The following PCED1B variants were observed in gnomAD, a reference collection of about 807,000 sequenced individuals.
PCED1B encodes the protein PC-esterase domain-containing protein 1B.
For synonymous variants in PCED1B, 251 were observed against 246.1 expected (o/e 1.02, Z -0.19); for missense variants, 573 against 573.9 (o/e 1.00, Z 0.02).
chr12:47,136,454 G>A (rs998100852), intron 2 of PCED1B, among the ~76,000 whole-genome samples: 7 of 152,146 alleles, frequency 4.6e-5, no homozygotes, highest in African/African-American at 1.7e-4. Flanking sequence ...TACTTTAAAG[G>A]ATAAGTGAAT....
At chr12:47,143,919 C>G (rs76023627) in intron 2 of PCED1B, among the ~76,000 whole-genome samples, 4,634 of 152,238 alleles carry the variant, frequency 0.03, 98 homozygotes, top group Middle Eastern at 0.071. Flanking sequence ...AGGCATTGCT[C>G]TAGTGGAAAC....
chr12:47,120,252 A>G (rs1340736616), intron 2 of PCED1B, among the ~76,000 whole-genome samples: 2 of 152,192 alleles, frequency 1.3e-5, no homozygotes, highest in African/African-American at 4.8e-5. Context: ...AAAATGATGC[A>G]GCCACTTTGG....
At chr12:47,191,342 A>C (rs1942433366) in intron 2 of PCED1B, among the ~76,000 whole-genome samples, 1 of 152,180 alleles carries the variant, frequency 6.6e-6, no homozygotes, top group African/African-American at 2.4e-5. Context: ...GACTCCATAC[A>C]TTTAATTCCT....
At chr12:47,197,525 T>C (rs1299072261) in intron 2 of PCED1B, among the ~76,000 whole-genome samples, 1 of 151,660 alleles carries the variant, frequency 6.6e-6, no homozygotes, top group Non-Finnish European at 1.5e-5. Context: ...GGAGAATCGC[T>C]TAAACCCAAA....
chr12:47,088,607 CT>C (rs1938102292), intron 1 of PCED1B, among the ~76,000 whole-genome samples: 1 of 152,178 alleles, frequency 6.6e-6, no homozygotes, highest in Non-Finnish European at 1.5e-5. Context: ...ATAATAATCA[CT>C]TTCTCCAGAG....
intron 2 of PCED1B, among the ~76,000 whole-genome samples, chr12:47,107,731 G>A (rs1296300796): frequency 6.6e-6 from 1 of 152,160 alleles, no homozygotes; most frequent in African/African-American, 2.4e-5. Flanking sequence ...TCAGGTGCAG[G>A]TGTCACTAGA....
intron 2 of PCED1B, among the ~76,000 whole-genome samples, chr12:47,138,913 A>G (rs917621150): frequency 6.6e-6 from 1 of 152,040 alleles, no homozygotes; most frequent in African/African-American, 2.4e-5. Flanking sequence ...CCTTTGGGAT[A>G]ATGTTTTTCA....
intron 2 of PCED1B, among the ~76,000 whole-genome samples, chr12:47,151,475 C>A (rs7974123): frequency 0.26 from 39,694 of 152,030 alleles, 5,684 homozygotes; most frequent in Non-Finnish European, 0.33. Context: ...CCTAATGACA[C>A]ATTTCTCAAA....
At chr12:47,115,966 AGC>A (rs1458571744) in intron 2 of PCED1B, among the ~76,000 whole-genome samples, 1 of 152,224 alleles carries the variant, frequency 6.6e-6, no homozygotes, top group African/African-American at 2.4e-5. Context: ...CTTTTAAATT[AGC>A]TCACTAGAAA....
At chr12:47,097,765 G>A (rs1938539862) in intron 1 of PCED1B, among the ~76,000 whole-genome samples, 1 of 152,174 alleles carries the variant, frequency 6.6e-6, no homozygotes, top group South Asian at 2.1e-4. Context: ...GTAGGTGCTT[G>A]CTACAGTTTT....
intron 2 of PCED1B, among the ~76,000 whole-genome samples, chr12:47,128,404 G>A (rs1452802484): frequency 1.3e-5 from 2 of 152,122 alleles, no homozygotes; most frequent in Non-Finnish European, 2.9e-5. Flanking sequence ...ACTCTGGGCC[G>A]CCTTACTCTT....
At chr12:47,173,281 G>A (rs1251600004) in intron 2 of PCED1B, among the ~76,000 whole-genome samples, 1 of 152,190 alleles carries the variant, frequency 6.6e-6, no homozygotes, top group Non-Finnish European at 1.5e-5. Context: ...TTTTGACAGA[G>A]TCTCCCTCTA....
chr12:47,111,563 A>G (rs985961085), intron 2 of PCED1B, among the ~76,000 whole-genome samples: 10 of 151,724 alleles, frequency 6.6e-5, no homozygotes, highest in Non-Finnish European at 1.0e-4. Context: ...TCGAAACTCC[A>G]AACACATTAA....
At chr12:47,088,838 A>G (rs1938114246) in intron 1 of PCED1B, among the ~76,000 whole-genome samples, 1 of 152,060 alleles carries the variant, frequency 6.6e-6, no homozygotes, top group Non-Finnish European at 1.5e-5. Flanking sequence ...TATTTATCTC[A>G]AAGTAAAATT....
chr12:47,082,946 A>G (rs114001545), intron 1 of PCED1B, among the ~76,000 whole-genome samples: 2,101 of 150,770 alleles, frequency 0.014, 40 homozygotes, highest in African/African-American at 0.049. Context: ...CCATTCAGTA[A>G]TGACTCCAAG....
chr12:47,116,983 G>T (rs1046358836), intron 2 of PCED1B, among the ~76,000 whole-genome samples: 1 of 152,104 alleles, frequency 6.6e-6, no homozygotes, highest in African/African-American at 2.4e-5. Context: ...AAGAAACATT[G>T]ATAAATTAAC....
At chr12:47,219,159 A>AAAAAAAGT (rs748079564) in intron 3 of PCED1B, among the ~76,000 whole-genome samples, 86 of 152,190 alleles carry the variant, frequency 5.7e-4, no homozygotes, top group Non-Finnish European at 7.1e-4. Flanking sequence ...AAAATAAAAA[A>AAAAAAAGT]GTTTCTTTTT....
At chr12:47,166,052 C>T (rs967031662) in intron 2 of PCED1B, among the ~76,000 whole-genome samples, 1 of 152,154 alleles carries the variant, frequency 6.6e-6, no homozygotes, top group African/African-American at 2.4e-5. Flanking sequence ...ATAGCTCAAG[C>T]CCTGACCCGG....
intron 2 of PCED1B, among the ~76,000 whole-genome samples, chr12:47,192,550 A>G (rs1274287610): frequency 6.6e-6 from 1 of 152,172 alleles, no homozygotes; most frequent in African/African-American, 2.4e-5. Context: ...TTTAATCTTC[A>G]GTGGAAAAAG....
Sources: gnomAD v4.1 joint callset for allele counts (sites outside exome capture counted in the v4.1 genomes callset) on GRCh38, gnomAD v4.1.1 for gene constraint, MANE v1.5 for transcripts, NCBI Gene and HGNC (gene_info 2026-07-23, HGNC 2026-07-21) for gene names.